PTK2: variants seen among roughly 807,000 people sequenced by gnomAD.
The protein encoded by PTK2 is focal adhesion kinase 1.
Under a neutral mutation model 150.1 loss-of-function variants are expected in PTK2, and 45 were observed. The ratio of observed to expected loss-of-function variants is 0.30; its 90% CI spans 0.24 to 0.38. The LOEUF (loss-of-function observed/expected upper bound fraction) is 0.38. PTK2 is among the 10% of genes least tolerant of loss of function. The pLI, the probability that PTK2 is intolerant of heterozygous loss-of-function variation, is 1.00. For missense variants in PTK2, 919 were observed against 1,307.3 expected, an observed-to-expected ratio of 0.70 and a Z score of 4.58; for synonymous variants, 432 against 449.2, an observed-to-expected ratio of 0.96 and a Z score of 0.48.
intron 25 of PTK2, 75 bp downstream of exon 28, chr8:140,702,495 C>T: frequency 1.3e-6 from 2 of 1,536,602 alleles, no homozygotes; most frequent in African/African-American, 1.4e-5. Context: ...GCTAGGATTA[C>T]AAGTGTAAGC....
intron 1 of PTK2, among the ~76,000 whole-genome samples, chr8:140,939,315 G>A (rs1429934127): frequency 6.6e-6 from 1 of 152,090 alleles, no homozygotes; most frequent in Admixed American, 6.5e-5. Context: ...AAAAATTAAT[G>A]ACAAGCATAC....
chr8:140,958,715 TA>T (rs1160480610), intron 1 of PTK2, among the ~76,000 whole-genome samples: 1 of 152,244 alleles, frequency 6.6e-6, no homozygotes, highest in African/African-American at 2.4e-5. Flanking sequence ...TAATAATGTT[TA>T]AATTACTTGC....
chr8:140,903,761 A>G (rs755156154), intron 2 of PTK2, among the ~76,000 whole-genome samples: 52 of 152,204 alleles, frequency 3.4e-4, no homozygotes, highest in South Asian at 1.7e-3. Flanking sequence ...TTCTCTTTAT[A>G]GCAATTGTGA....
chr8:140,746,771 T>C (rs1303285536), exon 18 of PTK2: 8 of 1,610,236 alleles, frequency 5.0e-6, no homozygotes. Flanking sequence ...TCTCCAAGTG[T>C]GCACAGCTCC....
At chr8:140,674,464 G>T in intron 28 of PTK2, 60 bp from the exon 32 acceptor site, 1 of 1,442,486 alleles carries the variant, frequency 6.9e-7, no homozygotes, top group African/African-American at 1.4e-5. Flanking sequence ...AAGAGGCTGG[G>T]GGCAGTGGCT....
intron 1 of PTK2, among the ~76,000 whole-genome samples, chr8:140,980,811 C>G (rs1168106777): frequency 7.1e-6 from 1 of 141,202 alleles, no homozygotes; most frequent in Non-Finnish European, 1.5e-5. Context: ...TGTGCAGTGG[C>G]GCAATCTTGG....
chr8:140,779,365 C>T (rs2100080386), intron 14 of PTK2, among the ~76,000 whole-genome samples: 1 of 152,000 alleles, frequency 6.6e-6, no homozygotes, highest in Non-Finnish European at 1.5e-5. Flanking sequence ...GAACTGGGTG[C>T]TCAGAACTTT....
At chr8:140,963,687 T>C (rs1460049530) in intron 1 of PTK2, among the ~76,000 whole-genome samples, 1 of 152,228 alleles carries the variant, frequency 6.6e-6, no homozygotes, top group Non-Finnish European at 1.5e-5. Context: ...TGAGGGATAT[T>C]AGAAATTCTT....
chr8:140,978,102 A>G (rs1401020955), intron 1 of PTK2, among the ~76,000 whole-genome samples: 2 of 152,224 alleles, frequency 1.3e-5, no homozygotes. Flanking sequence ...TTATACAAAA[A>G]TTAACTCAAC....
chr8:140,759,542 AAAAAAAAAAAAAG>A (rs1455367881), intron 16 of PTK2, among the ~76,000 whole-genome samples: 5 of 150,132 alleles, frequency 3.3e-5, no homozygotes, highest in African/African-American at 1.2e-4. Context: ...AAAAAAAAAA[AAAAAAAAAAAAAG>A]AAAGAAAGAA....
chr8:140,891,328 G>A (rs1483651628), intron 2 of PTK2, among the ~76,000 whole-genome samples: 1 of 152,070 alleles, frequency 6.6e-6, no homozygotes, highest in African/African-American at 2.4e-5. Flanking sequence ...AAAAAAGCAT[G>A]CACAATTAAA....
chr8:140,764,391 C>T, intron 14 of PTK2, 101 bp from the exon 17 acceptor site: 1 of 881,750 alleles, frequency 1.1e-6, no homozygotes, highest in Non-Finnish European at 1.8e-6. Context: ...AAATCCTCTA[C>T]TACGCTGAAA....
chr8:140,806,969 T>C (rs2100098490), intron 10 of PTK2, among the ~76,000 whole-genome samples: 4 of 152,362 alleles, frequency 2.6e-5, no homozygotes, highest in African/African-American at 7.2e-5. Context: ...CCATTATTTA[T>C]ATTGCTTATT....
chr8:140,893,812 T>C (rs190742043), intron 2 of PTK2, among the ~76,000 whole-genome samples: 5 of 152,328 alleles, frequency 3.3e-5, no homozygotes, highest in East Asian at 1.9e-4. Flanking sequence ...AATATAAATA[T>C]ATAAACAACT....
At chr8:140,801,015 A>G (rs977846959) in intron 11 of PTK2, among the ~76,000 whole-genome samples, 5 of 152,372 alleles carry the variant, frequency 3.3e-5, no homozygotes, top group African/African-American at 1.2e-4. Context: ...CATTATTTTT[A>G]GCACATATAG....
chr8:140,927,975 A>AAAAAAAAAAAAAAATATAT, intron 1 of PTK2, among the ~76,000 whole-genome samples: 1 of 48,194 alleles, frequency 2.1e-5, no homozygotes, highest in Admixed American at 3.9e-4. Context: ...AAAAAAAAAA[A>AAAAAAAAAAAAAAATATAT]ATATATATAT....
intron 1 of PTK2, among the ~76,000 whole-genome samples, chr8:140,945,583 T>A (rs1176220855): frequency 7.5e-6 from 1 of 133,738 alleles, no homozygotes; most frequent in African/African-American, 2.6e-5. Context: ...AAATGAGACC[T>A]TTATTTCTCA....
chr8:140,771,640 A>C (rs1368272138), intron 14 of PTK2, among the ~76,000 whole-genome samples: 1 of 152,212 alleles, frequency 6.6e-6, no homozygotes, highest in Non-Finnish European at 1.5e-5. Context: ...GTATGGACCC[A>C]AGAACAAGGG....
intron 21 of PTK2, among the ~76,000 whole-genome samples, chr8:140,738,597 A>T (rs2100053894): frequency 6.6e-6 from 1 of 152,216 alleles, no homozygotes; most frequent in Non-Finnish European, 1.5e-5. Flanking sequence ...ACTCCAGAAT[A>T]AAGAGACAAG....
Sources: gnomAD v4.1 joint callset for allele counts (sites outside exome capture counted in the v4.1 genomes callset) on GRCh38, gnomAD v4.1.1 for gene constraint, MANE v1.5 for transcripts, NCBI Gene and HGNC (gene_info 2026-07-23, HGNC 2026-07-21) for gene names.